PIWIL4: variants seen among roughly 807,000 people sequenced by gnomAD.
The protein encoded by PIWIL4 is piwi like RNA-mediated gene silencing 4, also known as piwi-like protein 4.
Under a neutral mutation model 100.9 loss-of-function variants are expected in PIWIL4, and 50 were observed. The observed-to-expected ratio is 0.50, with a 90% confidence interval of 0.39 to 0.63. PIWIL4 has a LOEUF of 0.63. Among genes scored for constraint, PIWIL4 ranks in the 20% least tolerant of loss-of-function variants. The pLI is 0.00. For synonymous variants in PIWIL4, 342 were observed against 367.5 expected, an observed-to-expected ratio of 0.93 and a Z score of 0.79; for missense variants, 887 against 1,043.3, an observed-to-expected ratio of 0.85 and a Z score of 2.06.
chr11:94,578,711 C>G (rs1383247535), intron 4 of PIWIL4, among the ~76,000 whole-genome samples: 1 of 152,196 alleles, frequency 6.6e-6, no homozygotes, highest in Non-Finnish European at 1.5e-5. Context: ...GGTCTCTGTT[C>G]AAATTGAGGT....
intron 2 of PIWIL4, among the ~76,000 whole-genome samples, chr11:94,570,840 C>G (rs34071604): frequency 0.023 from 3,462 of 152,142 alleles, 114 homozygotes; most frequent in African/African-American, 0.071. Flanking sequence ...TGCAGTAAAC[C>G]GAGATTGCGC....
intron 3 of PIWIL4, among the ~76,000 whole-genome samples, chr11:94,575,587 G>A (rs117278767): frequency 2.4e-3 from 361 of 152,236 alleles, no homozygotes; most frequent in Non-Finnish European, 4.2e-3. Flanking sequence ...AGTCTTTGTG[G>A]CCACCTCACG....
In PIWIL4 at chr11:94,575,007, G is replaced by T; in HGVS notation, c.175G>T (p.Gly59Trp). 4 of 1,612,002 alleles carry T rather than the reference G, an allele frequency of 2.5e-6. No homozygotes were observed. Among genetic ancestry groups the T allele is most frequent in the Non-Finnish European group, 3.4e-6 (4 of 1,178,354 alleles). The change falls in exon 3 of 20, where the codon GGG becomes TGG. Residue 59 changes from glycine (G) to tryptophan (W), a missense_variant. Around this residue, in one of 2 missense-constraint regions of PIWIL4, gnomAD observed 146 missense variants for 113.4 expected, o/e 1.29. Transcript: ENST00000299001. ...TSRISTNDKY[G>W]ISSGDAGSTF... ...TTCTCTTCATGTTTTAGATAAATAT[G>T]GGATATCTTCTGGTGATGCTGGAAG...
intron 9 of PIWIL4, among the ~76,000 whole-genome samples, chr11:94,594,862 A>G (rs542485300): frequency 1.3e-5 from 2 of 152,218 alleles, no homozygotes; most frequent in East Asian, 3.9e-4. Context: ...TGGTGTTCTG[A>G]TATTGTAGGT....
intron 2 of PIWIL4, among the ~76,000 whole-genome samples, chr11:94,573,810 A>G (rs1482472041): frequency 6.6e-6 from 1 of 152,168 alleles, no homozygotes; most frequent in African/African-American, 2.4e-5. Flanking sequence ...GTCTTGGGAG[A>G]TGAACTTCAT....
At chr11:94,620,314 G>T (rs1044205088) in intron 19 of PIWIL4, among the ~76,000 whole-genome samples, 170 bp downstream of exon 19, 1 of 152,232 alleles carries the variant, frequency 6.6e-6, no homozygotes, top group African/African-American at 2.4e-5. Context: ...TGAGTCCACA[G>T]TGGGAGGAAA....
At chr11:94,612,092 A>G (rs1416265547) in intron 15 of PIWIL4, among the ~76,000 whole-genome samples, 1 of 152,126 alleles carries the variant, frequency 6.6e-6, no homozygotes, top group Non-Finnish European at 1.5e-5. Flanking sequence ...ATTCAAGTCC[A>G]ATGTTTCCTT....
At chr11:94,574,724 C>T (rs371002700) in intron 2 of PIWIL4, among the ~76,000 whole-genome samples, 3 of 152,054 alleles carry the variant, frequency 2.0e-5, no homozygotes, top group Admixed American at 6.5e-5. Flanking sequence ...TCAAGCGATC[C>T]GCCCGCCATG....
rs547367436 is a variant in PIWIL4, at chr11:94,604,284, T to C, written c.1638+228T>C. Reference sequence around the variant, plus strand: ...CTTCTTGTTACCCCTATAACAGCCATTGGTGTCTGCATATTTTGCAACTCA... The same window carrying C: ...CTTCTTGTTACCCCTATAACAGCCACTGGTGTCTGCATATTTTGCAACTCA... On this transcript the variant is annotated intron_variant, in intron 13 of 19. Transcript: ENST00000299001. 7.2e-5 allele frequency among the ~76,000 whole-genome samples: 11 copies of C among 152,326 alleles called. No homozygotes were observed. In the East Asian group the frequency reaches 1.2e-3, roughly 16 times the overall value.
chr11:94,585,369 T>G, intron 5 of PIWIL4, 76 bp from the exon 6 acceptor site: 2 of 991,070 alleles, frequency 2.0e-6, no homozygotes, highest in East Asian at 5.0e-5. Flanking sequence ...AACATTATGT[T>G]CAGTAAGGGT....
At chr11:94,599,993 C>T (rs2135280424) in intron 11 of PIWIL4, among the ~76,000 whole-genome samples, 1 of 152,288 alleles carries the variant, frequency 6.6e-6, no homozygotes, top group Middle Eastern at 3.4e-3. Flanking sequence ...CTTGACAGCA[C>T]TTCAAGTAGC....
intron 2 of PIWIL4, among the ~76,000 whole-genome samples, chr11:94,572,664 C>A (rs1370170740): frequency 3.3e-5 from 5 of 152,158 alleles, no homozygotes; most frequent in Non-Finnish European, 1.5e-5. Context: ...GTTTTGGTAC[C>A]AGTACCATGC....
chr11:94,586,493 C>T (rs1948400033), intron 6 of PIWIL4, among the ~76,000 whole-genome samples: 1 of 152,148 alleles, frequency 6.6e-6, no homozygotes, highest in Admixed American at 6.5e-5. Context: ...TTTGTGGTAT[C>T]ACTTTTGTAT....
chr11:94,621,018 A>G lies in PIWIL4; in HGVS notation c.*26A>G, dbSNP rs1339278513. ...TGGCATGAACTACTGGCATCACTAG[A>G]TGGACAATCCAAGAAGAAATTGGTA... On this transcript the variant is annotated 3_prime_UTR_variant, in exon 20 of 20. Transcript: ENST00000299001. 4.7e-6 allele frequency: 7 copies of G among 1,503,658 alleles called. No individual in the cohort carries two copies. Among genetic ancestry groups the G allele is most frequent in the East Asian group, 2.3e-5 (1 of 44,372 alleles). The allele number at this position is 1,503,658 out of a possible 1,614,324, so 93.1% of individuals were successfully genotyped here.
In PIWIL4 at chr11:94,604,051, C is replaced by G. The variant is rs1440158293; in HGVS notation, c.1633C>G (p.Gln545Glu). 6.3e-7 allele frequency: 1 copy of G among 1,598,532 alleles called. No individual in the cohort carries two copies. The highest frequency in any genetic ancestry group is 8.6e-7 in the Non-Finnish European group (1 of 1,168,870). Residue 545 changes from glutamine (Q) to glutamate (E), a missense_variant, in exon 13 of 20, where the codon CAG becomes GAG. Gln to Glu is a conservative substitution (Grantham distance 29). Coordinates refer to ENST00000299001, the MANE Select transcript of PIWIL4 (RefSeq NM_152431.3). ...ACAGCAATATGTTGATCCTGATGTT[C>G]AGCTGGTAAGTACAGGATACTTTTT... Reference protein sequence around the residue: ...AIQQYVDPDVQLVMCILPSNQ... With the variant: ...AIQQYVDPDVELVMCILPSNQ...
chr11:94,599,763 AC>A (rs1948609611), intron 11 of PIWIL4, among the ~76,000 whole-genome samples: 1 of 152,146 alleles, frequency 6.6e-6, no homozygotes, highest in Non-Finnish European at 1.5e-5. Flanking sequence ...AGCATTCTAA[AC>A]CTGTCGCTGC....
chr11:94,598,414 C>T (rs1317576032), intron 11 of PIWIL4, among the ~76,000 whole-genome samples: 1 of 152,134 alleles, frequency 6.6e-6, no homozygotes, highest in Non-Finnish European at 1.5e-5. Flanking sequence ...TGCACAGAAC[C>T]CAGCCCCAGA....
At chr11:94,595,757 A>ACCAGAAAAACACCAGGCCC (rs1485334405) in intron 10 of PIWIL4, among the ~76,000 whole-genome samples, 2 of 152,240 alleles carry the variant, frequency 1.3e-5, no homozygotes, top group Non-Finnish European at 2.9e-5. Context: ...AAACAAAGCA[A>ACCAGAAAAACACCAGGCCC]CCAGAAAAAC....
chr11:94,572,046 G>A (rs1206066236), intron 2 of PIWIL4, among the ~76,000 whole-genome samples: 1 of 152,192 alleles, frequency 6.6e-6, no homozygotes, highest in Non-Finnish European at 1.5e-5. Flanking sequence ...CAGTGATGAT[G>A]AGCATTTTTT....
Sources: allele counts gnomAD v4.1 joint callset (sites outside exome capture counted in the v4.1 genomes callset), GRCh38; gene constraint gnomAD v4.1.1; regional missense constraint gnomAD v4.1.1; transcripts MANE v1.5; gene names NCBI Gene and HGNC (gene_info 2026-07-23, HGNC 2026-07-21).